BLTP3B: variants seen among roughly 807,000 people sequenced by gnomAD.
BLTP3B encodes the protein UHRF1 (ICBP90) binding protein 1-like.
chr12:100,100,622 G>A, the BLTP3B span, among the ~76,000 whole-genome samples: 2 of 151,940 alleles, frequency 1.3e-5, no homozygotes, highest in African/African-American at 4.8e-5. Flanking sequence ...TGAGGTGGGA[G>A]GATCGATTGA....
the BLTP3B span, chr12:100,102,740 C>A: frequency 3.3e-5 from 42 of 1,260,994 alleles, no homozygotes; most frequent in African/African-American, 4.9e-5. Context: ...TATTGGCAGT[C>A]ATGCAGATTA....
chr12:100,128,625 C>G, the BLTP3B span: 2 of 1,284,346 alleles, frequency 1.6e-6, no homozygotes, highest in Non-Finnish European at 2.0e-6. Context: ...CTGGTGAAAG[C>G]AAGCAGTCAG....
chr12:100,084,570 GCACTCAAATT>G, the BLTP3B span: 1 of 1,614,042 alleles, frequency 6.2e-7, no homozygotes, highest in Admixed American at 1.7e-5. Flanking sequence ...TTTCAACGTT[GCACTCAAATT>G]CATGCAATAA....
At chr12:100,046,669 T>A in the BLTP3B span, among the ~76,000 whole-genome samples, 1 of 152,132 alleles carries the variant, frequency 6.6e-6, no homozygotes, top group East Asian at 1.9e-4. Flanking sequence ...GGCACATGTA[T>A]ACCTATGTAA....
chr12:100,051,802 TC>T, the BLTP3B span: 1 of 152,228 alleles, frequency 6.6e-6, no homozygotes, highest in African/African-American at 2.4e-5. Flanking sequence ...ACGTCTGTAA[TC>T]CCAGCACTTT....
At chr12:100,073,355 A>T in the BLTP3B span, among the ~76,000 whole-genome samples, 1 of 146,950 alleles carries the variant, frequency 6.8e-6, no homozygotes, top group Non-Finnish European at 1.5e-5. Flanking sequence ...ATATAGATAC[A>T]GACACAGATT....
chr12:100,078,720 C>T, the BLTP3B span, among the ~76,000 whole-genome samples: 1 of 152,198 alleles, frequency 6.6e-6, no homozygotes, highest in Non-Finnish European at 1.5e-5. Context: ...AAAAGTTTCA[C>T]ATTTCAAGTG....
At chr12:100,043,806 C>T in the BLTP3B span, among the ~76,000 whole-genome samples, 1 of 152,098 alleles carries the variant, frequency 6.6e-6, no homozygotes, top group African/African-American at 2.4e-5. Flanking sequence ...AGGGGAGGAT[C>T]CCAAAAAGGA....
At chr12:100,060,084 G>A in the BLTP3B span, 4 of 1,468,328 alleles carry the variant, frequency 2.7e-6, no homozygotes, top group East Asian at 2.4e-5. Flanking sequence ...TTAATTGGAT[G>A]GTTCTAAATC....
At chr12:100,134,082 G>C in the BLTP3B span, among the ~76,000 whole-genome samples, 2 of 152,040 alleles carry the variant, frequency 1.3e-5, no homozygotes, top group Non-Finnish European at 2.9e-5. Context: ...GTCTTGAAGT[G>C]TGCTGCCCAT....
chr12:100,078,695 T>C, the BLTP3B span, among the ~76,000 whole-genome samples: 1 of 152,180 alleles, frequency 6.6e-6, no homozygotes, highest in Non-Finnish European at 1.5e-5. Context: ...CTTAGAAAGC[T>C]AATAAGTCCT....
the BLTP3B span, among the ~76,000 whole-genome samples, chr12:100,069,166 C>T: frequency 2.0e-5 from 3 of 152,024 alleles, no homozygotes; most frequent in African/African-American, 4.8e-5. Context: ...GAGCCTAGAT[C>T]GTGCTGCTGC....
At chr12:100,083,113 C>G in the BLTP3B span, 1 of 1,613,230 alleles carries the variant, frequency 6.2e-7, no homozygotes, top group Non-Finnish European at 8.5e-7. Flanking sequence ...TCTGCATGTC[C>G]CTTTCAGAGG....
chr12:100,140,721 AAAAAAAAAATATATAT>A, the BLTP3B span, among the ~76,000 whole-genome samples: 2 of 108,328 alleles, frequency 1.8e-5, no homozygotes, highest in African/African-American at 5.1e-5. Context: ...AAAAAAAAAA[AAAAAAAAAATATATAT>A]ATATATATAT....
At chr12:100,060,176 T>C in the BLTP3B span, 1 of 708,102 alleles carries the variant, frequency 1.4e-6, no homozygotes, top group Non-Finnish European at 2.1e-6. Context: ...ATTTACAAAA[T>C]CAAAGTGATA....
the BLTP3B span, chr12:100,102,700 CTTTTT>C: frequency 7.7e-4 from 540 of 703,752 alleles, no homozygotes; most frequent in Admixed American, 1.1e-3. Context: ...GAGGTTAAGG[CTTTTT>C]TTTTTTTTTT....
chr12:100,120,118 T>C, the BLTP3B span, among the ~76,000 whole-genome samples: 2 of 152,370 alleles, frequency 1.3e-5, no homozygotes, highest in East Asian at 3.9e-4. Flanking sequence ...GCCTCACGCC[T>C]GTAATCCCAG....
At chr12:100,048,734 G>GGC in the BLTP3B span, among the ~76,000 whole-genome samples, 2 of 138,658 alleles carry the variant, frequency 1.4e-5, no homozygotes, top group African/African-American at 5.8e-5. Context: ...AGTAAGGGGG[G>GGC]GGAGAGAGAG....
At chr12:100,106,463 G>C in the BLTP3B span, among the ~76,000 whole-genome samples, 1 of 152,166 alleles carries the variant, frequency 6.6e-6, no homozygotes, top group Non-Finnish European at 1.5e-5. Context: ...GCAGCAACTT[G>C]AAAAGAACTG....
Sources: allele counts gnomAD v4.1 joint callset (sites outside exome capture counted in the v4.1 genomes callset), GRCh38; gene constraint gnomAD v4.1.1; transcripts MANE v1.5; gene names NCBI Gene and HGNC (gene_info 2026-07-23, HGNC 2026-07-21).